The following ICE2 variants were observed in gnomAD, a reference collection of about 807,000 sequenced individuals.
The protein encoded by ICE2 is little elongation complex subunit 2.
A neutral mutation model predicts 105.4 loss-of-function variants in ICE2; 87 were observed. That is an observed-to-expected ratio of 0.83 (90% CI 0.69 to 0.99). The LOEUF is 0.99. Among genes scored for constraint, ICE2 ranks in the 50% least tolerant of loss-of-function variants. ICE2 has a pLI of 0.00. For missense variants in ICE2, 1,323 were observed against 1,146.7 expected (o/e 1.15, Z -2.22); for synonymous variants, 399 against 392.0 (o/e 1.02, Z -0.21).
At position 60,429,649 on chromosome 15, in the gene ICE2, T is replaced by C. The variant is rs1025841956; in HGVS notation, c.2562-962A>G. On this transcript the variant is annotated intron_variant, in intron 14 of 15. Transcript: ENST00000261520. Reference sequence around the variant, plus strand: ...ATTATGAAAAAATAAAGATTTATCATACTTTAGCTATACAGATTTGCCTAT... The same window carrying C: ...ATTATGAAAAAATAAAGATTTATCACACTTTAGCTATACAGATTTGCCTAT... 3.3e-5 allele frequency among the ~76,000 whole-genome samples: 5 copies of C among 152,210 alleles called. No homozygotes were observed. The East Asian group carries it at 7.7e-4, about 23-fold the overall frequency.
intron 13 of ICE2, among the ~76,000 whole-genome samples, chr15:60,435,746 C>A (rs1347799400): frequency 1.3e-5 from 2 of 152,172 alleles, no homozygotes; most frequent in Non-Finnish European, 2.9e-5. Flanking sequence ...GAGGCTGAGG[C>A]AGGCACATTG....
At chr15:60,474,728 G>T (rs756716097) in intron 3 of ICE2, among the ~76,000 whole-genome samples, 1 of 152,164 alleles carries the variant, frequency 6.6e-6, no homozygotes, top group Non-Finnish European at 1.5e-5. Flanking sequence ...AGTCTTTAAA[G>T]AAGTCTAAGT....
At chr15:60,477,288 G>A (rs1052982226) in intron 2 of ICE2, among the ~76,000 whole-genome samples, 11 of 152,188 alleles carry the variant, frequency 7.2e-5, no homozygotes, top group African/African-American at 2.7e-4. Context: ...GCTCCCTGGG[G>A]ATGGGAGTGT....
intron 1 of ICE2, chr15:60,478,698 G>C (rs746743626): frequency 1.3e-4 from 43 of 337,810 alleles, no homozygotes; most frequent in Middle Eastern, 1.1e-3. Context: ...GACACCGAAC[G>C]GGCCCGACCG....
At chr15:60,435,864 T>C (rs562940774) in intron 13 of ICE2, among the ~76,000 whole-genome samples, 4 of 151,958 alleles carry the variant, frequency 2.6e-5, no homozygotes, top group South Asian at 4.2e-4. Context: ...TAGTCCCTAC[T>C]TGGGAGGCTG....
At position 60,442,544 on chromosome 15, in the gene ICE2, T is replaced by C; in HGVS notation, c.2297A>G (p.Gln766Arg). The change falls in exon 12 of 16, where the codon CAA becomes CGA. Residue 766 changes from glutamine to arginine, a missense_variant and splice_region_variant. Gln to Arg is a conservative substitution (Grantham distance 43). Transcript: ENST00000261520. ...TTTTGGTAGTACATAAACTGGAAAT[T>C]GCTGCAATGCAAAATTATACTTTTT... ...RSKKRKKIRR[Q>R]FPVYVLPKVE... 1 of 1,562,484 alleles carries C rather than the reference T, an allele frequency of 6.4e-7. No individual in the cohort carries two copies. Among genetic ancestry groups the C allele is most frequent in the South Asian group, 1.2e-5 (1 of 82,666 alleles).
chr15:60,439,228 T>C (rs1412753546), intron 12 of ICE2: 2 of 152,276 alleles, frequency 1.3e-5, no homozygotes, highest in Admixed American at 6.5e-5. Context: ...CATAAATGTA[T>C]AGGAAAACGA....
chr15:60,447,641 C>G (rs142577187), intron 11 of ICE2: 1 of 175,166 alleles, frequency 5.7e-6, no homozygotes, highest in Non-Finnish European at 1.2e-5. Flanking sequence ...ACCCATCATA[C>G]GAGGTCATGT....
chr15:60,468,950 A>G (rs1306918294), intron 3 of ICE2, among the ~76,000 whole-genome samples: 2 of 152,248 alleles, frequency 1.3e-5, no homozygotes, highest in Non-Finnish European at 2.9e-5. Flanking sequence ...ATGGATGCCA[A>G]AGAAAAATCC....
intron 3 of ICE2, among the ~76,000 whole-genome samples, chr15:60,471,538 A>G (rs1186263979): frequency 6.6e-6 from 1 of 152,222 alleles, no homozygotes; most frequent in African/African-American, 2.4e-5. Context: ...GATACGCCAG[A>G]CTAGGAATGT....
Position 60,453,710 on chromosome 15 carries a change from G to T in ICE2, c.1018C>A (p.Gln340Lys), listed in dbSNP as rs371898502. Residue 340 changes from glutamine (Q) to lysine (K), a missense_variant, in exon 9 of 16, where the codon CAA becomes AAA. Transcript: ENST00000261520. ...TTTAATGGAACTTCATGAAAGATTTGATTTCTCTCTCTCATAGTCATTTTC... is the reference window on the plus strand; with the variant it reads ...TTTAATGGAACTTCATGAAAGATTTTATTTCTCTCTCTCATAGTCATTTTC... ...QKKMTMRERN[Q>K]IFHEVPLKFM... is the part of the protein sequence containing the mutation. The T allele has an allele frequency of 1.2e-6, 2 of 1,610,064 alleles. No homozygotes were observed. Among genetic ancestry groups the T allele is most frequent in the African/African-American group, 2.7e-5 (2 of 74,818 alleles).
chr15:60,450,865 A>G (rs991651264), intron 9 of ICE2, among the ~76,000 whole-genome samples: 4 of 152,224 alleles, frequency 2.6e-5, no homozygotes, highest in African/African-American at 9.6e-5. Context: ...GGTAATTCCT[A>G]CTAAAAGACT....
chr15:60,426,728 A>G (rs2063346857), intron 15 of ICE2, among the ~76,000 whole-genome samples: 1 of 152,206 alleles, frequency 6.6e-6, no homozygotes, highest in Admixed American at 6.5e-5. Context: ...AAGTTGTTCA[A>G]TTCCAAGGTA....
chr15:60,428,349 A>C (rs1013512004), intron 15 of ICE2, 80 bp downstream of exon 15: 17 of 1,388,184 alleles, frequency 1.2e-5, no homozygotes, highest in Non-Finnish European at 1.6e-5. Context: ...TGAGAACATC[A>C]GGGTGAAATA....
chr15:60,453,751 G>A lies in ICE2; in HGVS notation c.977C>T (p.Ser326Leu), dbSNP rs770535319. The change falls in exon 9 of 16, where the codon TCA (serine) becomes TTA (leucine). Residue 326 changes from serine to leucine, a missense_variant. Ser to Leu is a moderately radical substitution (Grantham distance 145). Coordinates refer to ENST00000261520, the MANE Select transcript of ICE2 (RefSeq NM_024611.6). Reference sequence around the variant, plus strand: ...AGTCATTTTCTTTTGGGGAAGTGGTGAATTAATATATATTACTTTAACTGG... The same window carrying A: ...AGTCATTTTCTTTTGGGGAAGTGGTAAATTAATATATATTACTTTAACTGG... ...SKPVKVIYIN[S>L]PLPQKKMTMR... 6.3e-7 allele frequency: 1 copy of A among 1,587,448 alleles called. No homozygotes were observed. Among genetic ancestry groups the A allele is most frequent in the East Asian group, 2.2e-5 (1 of 44,666 alleles).
intron 8 of ICE2, 63 bp downstream of exon 8, chr15:60,454,940 G>C: frequency 7.2e-7 from 1 of 1,379,664 alleles, no homozygotes; most frequent in Non-Finnish European, 9.8e-7. Context: ...CTATTTATGA[G>C]TGAGAACATG....
At chr15:60,428,302 T>C in intron 15 of ICE2, 127 bp downstream of exon 15, 1 of 1,053,876 alleles carries the variant, frequency 9.5e-7, no homozygotes, top group South Asian at 1.6e-5. Flanking sequence ...TTCCTATGGA[T>C]ATAGCTTTTA....
chr15:60,449,404 T>C lies in ICE2; in HGVS notation c.1563A>G (p.Glu521=). Residue 521 remains glutamate (E), a synonymous_variant, in exon 10 of 16, where the codon GAA becomes GAG. Coordinates refer to ENST00000261520, the MANE Select transcript of ICE2 (RefSeq NM_024611.6). ...TATCATTTTTATTAGAAGTTTCAATTTCCTGAGAATTTTCTAACTGTAAGG... is the reference window on the plus strand; with the variant it reads ...TATCATTTTTATTAGAAGTTTCAATCTCCTGAGAATTTTCTAACTGTAAGG... ...SDALQLENSQ[E]IETSNKNDMT... 1 of 1,613,478 alleles carries C rather than the reference T, an allele frequency of 6.2e-7. No individual in the cohort carries two copies. The highest frequency in any genetic ancestry group is 8.5e-7 in the Non-Finnish European group (1 of 1,179,694).
At chr15:60,475,659 T>C (rs1056178831) in intron 3 of ICE2, among the ~76,000 whole-genome samples, 2 of 152,154 alleles carry the variant, frequency 1.3e-5, no homozygotes, top group African/African-American at 4.8e-5. Flanking sequence ...ATTTTTAGTA[T>C]GATCCCATTT....
Sources: gnomAD v4.1 joint callset for allele counts (sites outside exome capture counted in the v4.1 genomes callset) on GRCh38, gnomAD v4.1.1 for gene constraint, MANE v1.5 for transcripts, NCBI Gene and HGNC (gene_info 2026-07-23, HGNC 2026-07-21) for gene names.